BPIFC: variants seen among roughly 807,000 people sequenced by gnomAD.
BPIFC encodes the protein BPI fold containing family C.
A neutral mutation model predicts 57.6 loss-of-function variants in BPIFC; 60 were observed. That is an observed-to-expected ratio of 1.04 (90% confidence interval 0.85 to 1.29). The LOEUF (loss-of-function observed/expected upper bound fraction) is 1.29, where lower values mean the gene tolerates loss of function less well. Among genes scored for constraint, BPIFC ranks in the 50% most tolerant of loss-of-function variants. The probability of loss-of-function intolerance (pLI) is 0.00; values close to 1 mark genes in which losing one functional copy is unlikely to be tolerated. For missense variants in BPIFC, 581 were observed against 600.5 expected (o/e 0.97, Z 0.34); for synonymous variants, 243 against 224.5 (o/e 1.08, Z -0.74).
chr22:32,457,280 T>C lies in BPIFC; in HGVS notation c.107A>G (p.Gln36Arg). 7 of 1,603,134 alleles carry C rather than the reference T, an allele frequency of 4.4e-6. No individual in the cohort carries two copies. Among genetic ancestry groups the C allele is most frequent in the Non-Finnish European group, 4.2e-6 (5 of 1,177,612 alleles). Residue 36 changes from glutamine (Q) to arginine (R), a missense_variant, in exon 3 of 17, where the codon CAG becomes CGG. Gln to Arg is a conservative substitution (Grantham distance 43). Coordinates refer to ENST00000300399, the MANE Select transcript of BPIFC (RefSeq NM_174932.3). The part of the protein sequence containing the change: ...IYPGIKARIT[Q>R]RALDYGVQAG... ...CAACTCACCATAGTCAAGTGCCCTC[T>C]GAGTAATCCTTGCCTTGATTCCAGG...
At chr22:32,430,466 G>C (rs1221625024) in intron 13 of BPIFC, among the ~76,000 whole-genome samples, 1 of 148,752 alleles carries the variant, frequency 6.7e-6, no homozygotes, top group African/African-American at 2.5e-5. Flanking sequence ...TATATTCTTT[G>C]TATGTTTATA....
intron 14 of BPIFC, among the ~76,000 whole-genome samples, chr22:32,418,735 G>A (rs930127516): frequency 6.6e-5 from 10 of 152,000 alleles, no homozygotes; most frequent in African/African-American, 1.5e-4. Flanking sequence ...TATTCTACCC[G>A]GGCATTCTGA....
chr22:32,428,898 CA>C (rs67722475), intron 13 of BPIFC, among the ~76,000 whole-genome samples: 1 of 148,010 alleles, frequency 6.8e-6, no homozygotes, highest in Non-Finnish European at 1.5e-5. Flanking sequence ...CACTCCATCT[CA>C]AAAAAAAACA....
intron 2 of BPIFC, 117 bp from the exon 3 acceptor site, chr22:32,457,503 T>C: frequency 5.6e-6 from 6 of 1,062,800 alleles, no homozygotes; most frequent in Non-Finnish European, 6.7e-6. Flanking sequence ...ACTCAATACA[T>C]CCATCCAATC....
chr22:32,429,509 GTTTTTTTTTTTTTTT>G (rs780948561), intron 13 of BPIFC, among the ~76,000 whole-genome samples: 1 of 56,622 alleles, frequency 1.8e-5, no homozygotes, highest in Non-Finnish European at 3.3e-5. Flanking sequence ...ACTGGCCTTT[GTTTTTTTTTTTTTTT>G]TTTTTTTTTT....
At chr22:32,462,905 A>G (rs1193513285) in intron 1 of BPIFC, among the ~76,000 whole-genome samples, 1 of 152,166 alleles carries the variant, frequency 6.6e-6, no homozygotes, top group Admixed American at 6.5e-5. Context: ...ACCAAACACC[A>G]TTTTCAAGGT....
At chr22:32,443,255 C>T (rs920959765) in intron 7 of BPIFC, among the ~76,000 whole-genome samples, 5 of 151,934 alleles carry the variant, frequency 3.3e-5, no homozygotes, top group African/African-American at 1.2e-4. Context: ...GCTCCGCCTC[C>T]CTGGTTCATG....
chr22:32,429,601 C>T (rs984444287), intron 13 of BPIFC, among the ~76,000 whole-genome samples: 4 of 148,688 alleles, frequency 2.7e-5, no homozygotes, highest in Admixed American at 1.4e-4. Context: ...ACCACAACCT[C>T]CACCTCCCGG....
At chr22:32,416,335 G>A (rs1243195313) in intron 15 of BPIFC, among the ~76,000 whole-genome samples, 1 of 152,076 alleles carries the variant, frequency 6.6e-6, no homozygotes, top group Non-Finnish European at 1.5e-5. Flanking sequence ...CGCCTGCCTT[G>A]GCCTCCCAAA....
chr22:32,460,958 A>T (rs1381397638), intron 2 of BPIFC, among the ~76,000 whole-genome samples: 1 of 152,212 alleles, frequency 6.6e-6, no homozygotes, highest in Non-Finnish European at 1.5e-5. Flanking sequence ...AATATCCCTT[A>T]CCTTACTCTA....
At position 32,415,957 on chromosome 22, in the gene BPIFC, T is replaced by C; in HGVS notation, c.1359A>G (p.Pro453=). 6.3e-7 allele frequency: 1 copy of C among 1,594,306 alleles called. No individual in the cohort carries two copies. The highest frequency in any genetic ancestry group is 8.5e-7 in the Non-Finnish European group (1 of 1,172,644). ...KLQQGFPLSN[P]HKFLFVNSDI... Reference sequence around the variant, plus strand: ...CTGAATTGACGAATAAGAATTTGTGTGGATTGGACAGAGGAAATCCTTGCT... The same window carrying C: ...CTGAATTGACGAATAAGAATTTGTGCGGATTGGACAGAGGAAATCCTTGCT... Residue 453 remains proline (P), a synonymous_variant, in exon 16 of 17, where the codon CCA becomes CCG. Transcript: ENST00000300399.
chr22:32,430,897 A>G (rs962509781), intron 13 of BPIFC, among the ~76,000 whole-genome samples: 1 of 151,988 alleles, frequency 6.6e-6, no homozygotes, highest in Non-Finnish European at 1.5e-5. Context: ...CCCACTCCCA[A>G]ATTGCTGGGA....
chr22:32,419,498 C>A, intron 13 of BPIFC, 94 bp from the exon 14 acceptor site: 2 of 1,263,520 alleles, frequency 1.6e-6, no homozygotes, highest in Admixed American at 2.0e-5. Flanking sequence ...GTTCAAAAGT[C>A]ACTATTTAAA....
rs1042964462 is a variant in BPIFC at position 32,454,494 on chromosome 22, G to A, written c.125-991C>T. On this transcript the variant is annotated intron_variant, in intron 3 of 16. Coordinates refer to ENST00000300399, the MANE Select transcript of BPIFC (RefSeq NM_174932.3). ...GCTTCTTTATATGGAAGCATCACAC[G>A]ACACATTTCTCTGAGCTCATTGGGG... is the stretch of plus-strand genomic sequence containing the variant. Among the ~76,000 whole-genome samples, 3 of 152,178 alleles carry A rather than the reference G, an allele frequency of 2.0e-5. No homozygotes were observed. The South Asian group carries it at 6.2e-4, about 32-fold the overall frequency.
chr22:32,441,709 G>C (rs1934569343), intron 8 of BPIFC, among the ~76,000 whole-genome samples: 1 of 152,160 alleles, frequency 6.6e-6, no homozygotes, highest in Non-Finnish European at 1.5e-5. Flanking sequence ...CCAGGGTTTA[G>C]CACAGTGCTG....
At chr22:32,428,519 G>A (rs2092767333) in intron 13 of BPIFC, among the ~76,000 whole-genome samples, 1 of 152,162 alleles carries the variant, frequency 6.6e-6, no homozygotes, top group Non-Finnish European at 1.5e-5. Context: ...GGACTGCTTT[G>A]AAGGGCTTGG....
chr22:32,436,191 G>A (rs1389738220), intron 9 of BPIFC, among the ~76,000 whole-genome samples: 3 of 152,174 alleles, frequency 2.0e-5, no homozygotes, highest in African/African-American at 4.8e-5. Flanking sequence ...CTACTTGGGA[G>A]GCTGAGTGAG....
At chr22:32,426,592 C>A (rs117778802) in intron 13 of BPIFC, among the ~76,000 whole-genome samples, 2,802 of 152,234 alleles carry the variant, frequency 0.018, 33 homozygotes, top group African/African-American at 0.033. Context: ...GCCTTGCCAT[C>A]TCTATCTTAA....
At chr22:32,417,241 T>A (rs1172498082) in intron 14 of BPIFC, 93 bp from the exon 15 acceptor site, 3 of 887,840 alleles carry the variant, frequency 3.4e-6, no homozygotes, top group Non-Finnish European at 5.4e-6. Context: ...AGTAGTGTGA[T>A]CATGGCTCTC....
Sources: allele counts gnomAD v4.1 joint callset (sites outside exome capture counted in the v4.1 genomes callset), GRCh38; gene constraint gnomAD v4.1.1; transcripts MANE v1.5; gene names NCBI Gene and HGNC (gene_info 2026-07-23, HGNC 2026-07-21).